Variants in RBFOX1 observed in about 807,000 individuals in gnomAD.
RBFOX1 encodes RNA binding protein fox-1 homolog 1.
A neutral mutation model predicts 57.7 loss-of-function variants in RBFOX1; 8 were observed. That is an observed-to-expected ratio of 0.14 (90% CI 0.08 to 0.25). RBFOX1 has a LOEUF of 0.25. RBFOX1 is among the 10% of genes least tolerant of loss of function. The pLI is 1.00. For missense variants in RBFOX1, 611 were observed against 548.5 expected, an observed-to-expected ratio of 1.11 and a Z score of -1.14; for synonymous variants, 326 against 222.4, an observed-to-expected ratio of 1.47 and a Z score of -4.15.
intron 3 of RBFOX1, among the ~76,000 whole-genome samples, chr16:6,875,566 A>C (rs956559121): frequency 6.6e-6 from 1 of 152,242 alleles, no homozygotes; most frequent in African/African-American, 2.4e-5. Flanking sequence ...GGCCGTGGTT[A>C]AGGAAAATAG....
chr16:6,854,350 G>A (rs1342342546), intron 3 of RBFOX1, among the ~76,000 whole-genome samples: 2 of 152,094 alleles, frequency 1.3e-5, no homozygotes. Flanking sequence ...AACCTATGAA[G>A]AGGAAAGGGC....
intron 3 of RBFOX1, among the ~76,000 whole-genome samples, chr16:6,998,854 T>C (rs1045175812): frequency 1.3e-5 from 2 of 151,986 alleles, no homozygotes; most frequent in Non-Finnish European, 2.9e-5. Context: ...CTTCTTTTTT[T>C]AATTAATTAA....
intron 2 of RBFOX1, among the ~76,000 whole-genome samples, chr16:6,526,655 C>T (rs1390076960): frequency 1.3e-5 from 2 of 151,142 alleles, no homozygotes; most frequent in Non-Finnish European, 2.9e-5. Flanking sequence ...ATGGAGAAAC[C>T]CCGTGTCTAC....
At chr16:6,977,103 A>T (rs1166002785) in intron 3 of RBFOX1, among the ~76,000 whole-genome samples, 2 of 140,312 alleles carry the variant, frequency 1.4e-5, no homozygotes, top group African/African-American at 5.3e-5. Flanking sequence ...TATATATATC[A>T]TATATATGAT....
intron 3 of RBFOX1, among the ~76,000 whole-genome samples, chr16:6,810,020 C>T (rs1402497638): frequency 3.5e-5 from 5 of 144,606 alleles, no homozygotes; most frequent in Admixed American, 7.1e-5. Flanking sequence ...ATTCTCTTCT[C>T]TCTCACCTTT....
At chr16:6,254,060 G>A (rs1297146395) in intron 1 of RBFOX1, among the ~76,000 whole-genome samples, 1 of 152,126 alleles carries the variant, frequency 6.6e-6, no homozygotes, top group African/African-American at 2.4e-5. Flanking sequence ...GTGACATAAT[G>A]GAAAGACAAA....
chr16:6,005,380 G>A (rs987775497), intron 4 of RBFOX1, among the ~76,000 whole-genome samples: 8 of 152,334 alleles, frequency 5.3e-5, no homozygotes, highest in South Asian at 4.1e-4. Context: ...CATCTGCTAT[G>A]GGCCAGGCAC....
intron 5 of RBFOX1, among the ~76,000 whole-genome samples, chr16:7,547,471 A>T (rs756525633): frequency 5.3e-5 from 8 of 152,224 alleles, no homozygotes; most frequent in Non-Finnish European, 1.2e-4. Context: ...GAAAATGATC[A>T]TCTGACTGGG....
At chr16:5,717,709 C>G (rs2051764424) in intron 3 of RBFOX1, among the ~76,000 whole-genome samples, 1 of 152,224 alleles carries the variant, frequency 6.6e-6, no homozygotes, top group Admixed American at 6.5e-5. Context: ...ACACAGCACT[C>G]TCTCTAATAA....
At chr16:5,632,152 TACTTC>T (rs1294066490) in intron 3 of RBFOX1, among the ~76,000 whole-genome samples, 1 of 152,214 alleles carries the variant, frequency 6.6e-6, no homozygotes, top group African/African-American at 2.4e-5. Context: ...GCAGGTAAGC[TACTTC>T]ATATGGTACC....
At chr16:5,974,107 G>C (rs1262028572) in intron 4 of RBFOX1, among the ~76,000 whole-genome samples, 1 of 152,208 alleles carries the variant, frequency 6.6e-6, no homozygotes, top group Admixed American at 6.5e-5. Flanking sequence ...GCTCAGCCCA[G>C]TGAGAATAGA....
intron 4 of RBFOX1, among the ~76,000 whole-genome samples, chr16:5,900,030 A>G (rs1019780678): frequency 3.3e-5 from 5 of 152,146 alleles, no homozygotes; most frequent in African/African-American, 9.7e-5. Context: ...GTGAGCCGAG[A>G]TTGTGCCACT....
chr16:6,648,841 C>T (rs939515485), intron 2 of RBFOX1, among the ~76,000 whole-genome samples: 1 of 152,108 alleles, frequency 6.6e-6, no homozygotes, highest in Admixed American at 6.5e-5. Context: ...TTTATGTAAA[C>T]TGACAAAAGT....
chr16:6,277,955 T>C (rs1371893430), intron 1 of RBFOX1, among the ~76,000 whole-genome samples: 1 of 152,146 alleles, frequency 6.6e-6, no homozygotes, highest in Non-Finnish European at 1.5e-5. Context: ...GGCCCGGAGT[T>C]TAATTCCAAG....
At chr16:6,856,090 C>G (rs1447671360) in intron 3 of RBFOX1, among the ~76,000 whole-genome samples, 1 of 150,642 alleles carries the variant, frequency 6.6e-6, no homozygotes, top group Non-Finnish European at 1.5e-5. Context: ...GAAATGAAGA[C>G]CCTTCCCTTC....
intron 3 of RBFOX1, among the ~76,000 whole-genome samples, chr16:7,045,548 G>A (rs372415557): frequency 2.0e-5 from 3 of 152,186 alleles, no homozygotes; most frequent in African/African-American, 7.2e-5. Flanking sequence ...TCAGAGGTCA[G>A]TAGGCCCCCT....
At chr16:7,696,999 G>A (rs2079005379) in intron 14 of RBFOX1, among the ~76,000 whole-genome samples, 1 of 152,172 alleles carries the variant, frequency 6.6e-6, no homozygotes, top group Admixed American at 6.5e-5. Flanking sequence ...GTAGACAGGG[G>A]TCAGAGGAAG....
chr16:5,498,186 AGGC>A (rs1333817798), intron 2 of RBFOX1, among the ~76,000 whole-genome samples: 3 of 152,166 alleles, frequency 2.0e-5, no homozygotes, highest in African/African-American at 7.2e-5. Context: ...CTTGTTGCCC[AGGC>A]TGGAGTGCAA....
At chr16:7,250,106 C>G (rs768288897) in intron 4 of RBFOX1, among the ~76,000 whole-genome samples, 1 of 152,104 alleles carries the variant, frequency 6.6e-6, no homozygotes, top group African/African-American at 2.4e-5. Context: ...TGTGTTTCCT[C>G]TGGGAAAATC....
Sources: gnomAD v4.1 joint callset for allele counts (sites outside exome capture counted in the v4.1 genomes callset) on GRCh38, gnomAD v4.1.1 for gene constraint, MANE v1.5 for transcripts, NCBI Gene and HGNC (gene_info 2026-07-23, HGNC 2026-07-21) for gene names.